Variants in BATF2 observed in about 807,000 individuals in gnomAD.
BATF2 encodes basic leucine zipper ATF-like transcription factor 2.
BATF2 carries 4 observed loss-of-function variants against 7.3 expected under a neutral mutation model. That is an observed-to-expected ratio of 0.55 (90% CI 0.27 to 1.26). BATF2 has a LOEUF of 1.26. BATF2 is among the 50% of genes most tolerant of loss of function. The pLI is 0.11. For synonymous variants in BATF2, 152 were observed against 153.9 expected (o/e 0.99, Z 0.09); for missense variants, 295 against 340.5 (o/e 0.87, Z 1.05).
At chr11:64,996,133 C>G (rs180929256) in intron 1 of BATF2, among the ~76,000 whole-genome samples, 1,901 of 151,810 alleles carry the variant, frequency 0.013, 25 homozygotes, top group Non-Finnish European at 0.019. Flanking sequence ...GCTAATTTTT[C>G]TATTTTTAAT....
chr11:64,989,276 AG>A lies in BATF2; in HGVS notation c.677del (p.Pro226LeufsTer84). 2.5e-6 allele frequency: 4 copies of A among 1,603,712 alleles called. No homozygotes were observed. Among genetic ancestry groups the A allele is most frequent in the Non-Finnish European group, 3.4e-6 (4 of 1,174,240 alleles). Reference sequence around the variant, plus strand: ...GACGTGCAAGCCCCAGGGCAGAGGAAGGGTTGTCGGGAGAGGACCCCAGCTT... The same window carrying A: ...GACGTGCAAGCCCCAGGGCAGAGGAAGGTTGTCGGGAGAGGACCCCAGCTT... ...RGKLGSSPDN[P>X]SSALGLARLQ... On this transcript the variant is annotated frameshift_variant, in exon 3 of 3. Coordinates refer to ENST00000301887, the MANE Select transcript of BATF2 (RefSeq NM_138456.4). LOFTEE classifies it low-confidence loss of function (END_TRUNC). This position sits in a 1 kb window ranked among gnomAD's most constrained non-coding sequence, Gnocchi z 4.3.
In BATF2 at chr11:64,996,931, C is replaced by G; in HGVS notation, c.-17G>C. The G allele has an allele frequency of 6.3e-7, 1 of 1,581,486 alleles. No homozygotes were observed. Among genetic ancestry groups the G allele is most frequent in the Non-Finnish European group, 8.6e-7 (1 of 1,162,466 alleles). The stretch of plus-strand genomic sequence containing the variant: ...GAGGTGCATGGCTTAGGCGGGGGAG[C>G]AGAGTGGTCCCTCAGCAGCTGTGAC... On this transcript the variant is annotated 5_prime_UTR_variant, in exon 1 of 3. Coordinates refer to ENST00000301887, the MANE Select transcript of BATF2 (RefSeq NM_138456.4).
rs746509534 is a variant in BATF2 at position 64,989,532 on chromosome 11, T to C, written c.422A>G (p.Gln141Arg). 2.3e-5 allele frequency: 37 copies of C among 1,594,270 alleles called. No homozygotes were observed. Among genetic ancestry groups the C allele is most frequent in the Non-Finnish European group, 3.2e-5 (37 of 1,170,496 alleles). Residue 141 changes from glutamine (Q) to arginine (R), a missense_variant, in exon 3 of 3, where the codon CAG becomes CGG. Physicochemically the swap from Gln to Arg is conservative, Grantham distance 43. Coordinates refer to ENST00000301887, the MANE Select transcript of BATF2 (RefSeq NM_138456.4). The surrounding 1 kb of genome is among the most constrained non-coding windows in gnomAD (Gnocchi z 4.3). ...GAGGAGGCTGGGAGAATCATGAGGCTGTGGACCTGGAGAGAGCGGCTGAGC... is the reference window on the plus strand; with the variant it reads ...GAGGAGGCTGGGAGAATCATGAGGCCGTGGACCTGGAGAGAGCGGCTGAGC... ...YPAQPLSPGP[Q>R]PHDSPSLLQC...
chr11:64,994,953 A>G (rs1946100449), intron 1 of BATF2, among the ~76,000 whole-genome samples: 1 of 152,008 alleles, frequency 6.6e-6, no homozygotes, highest in African/African-American at 2.4e-5. Flanking sequence ...GGTTCAAGCA[A>G]TTCTCCTGCC....
intron 2 of BATF2, among the ~76,000 whole-genome samples, chr11:64,993,946 C>A (rs1946093595): frequency 6.6e-6 from 1 of 152,152 alleles, no homozygotes; most frequent in Admixed American, 6.6e-5. Context: ...CAGGTGTGCA[C>A]CATCACGCCC....
Position 64,989,116 on chromosome 11 carries a change from T to A in BATF2, c.*13A>T. 2 of 1,613,810 alleles carry A rather than the reference T, an allele frequency of 1.2e-6. No individual in the cohort carries two copies. The highest frequency in any genetic ancestry group is 1.7e-6 in the Non-Finnish European group (2 of 1,179,902). On this transcript the variant is annotated 3_prime_UTR_variant, in exon 3 of 3. Coordinates refer to ENST00000301887, the MANE Select transcript of BATF2 (RefSeq NM_138456.4). This position sits in a 1 kb window ranked among gnomAD's most constrained non-coding sequence, Gnocchi z 4.3. The stretch of plus-strand genomic sequence containing the variant: ...AGCCCAAAGAAGGGGCCAACCCAGC[T>A]CCGAAGACCAGGTTAGAAGTGGACT...
intron 2 of BATF2, chr11:64,990,743 A>C: frequency 1.7e-6 from 1 of 587,942 alleles, no homozygotes; most frequent in African/African-American, 2.0e-5. Context: ...ACTTTGAAAG[A>C]AGAAGTTGCA....
chr11:64,990,350 T>A, intron 2 of BATF2: 1 of 1,453,252 alleles, frequency 6.9e-7, no homozygotes. Flanking sequence ...CTGGACACCC[T>A]TCCGCCGCCC....
chr11:64,991,151 GA>G (rs751045416), intron 2 of BATF2, among the ~76,000 whole-genome samples: 16 of 130,594 alleles, frequency 1.2e-4, no homozygotes, highest in Non-Finnish European at 1.3e-4. Context: ...GTGGAATGAT[GA>G]ATTTTTTTTT....
Position 64,989,322 on chromosome 11 carries a change from A to G in BATF2, c.632T>C (p.Leu211Pro). 8 of 1,577,462 alleles carry G rather than the reference A, an allele frequency of 5.1e-6. No individual in the cohort carries two copies. Among genetic ancestry groups the G allele is most frequent in the Non-Finnish European group, 6.9e-6 (8 of 1,161,184 alleles). ...AQTAPPQPLE[L>P]EHPTRGKLGS... Reference sequence around the variant, plus strand: ...CAGCTTCCCTCTGGTGGGATGCTCCAGCTCGAGGGGCTGTGGAGGGGCAGT... The same window carrying G: ...CAGCTTCCCTCTGGTGGGATGCTCCGGCTCGAGGGGCTGTGGAGGGGCAGT... The change falls in exon 3 of 3, where the codon CTG (leucine) becomes CCG (proline). Residue 211 changes from leucine to proline, a missense_variant. Coordinates refer to ENST00000301887, the MANE Select transcript of BATF2 (RefSeq NM_138456.4). This position sits in a 1 kb window ranked among gnomAD's most constrained non-coding sequence, Gnocchi z 4.3.
chr11:64,989,634 A>G lies in BATF2; in HGVS notation c.320T>C (p.Leu107Pro). Reference protein sequence around the residue: ...LGCWDQAEGLLGPGPQGQHGC... With the variant: ...LGCWDQAEGLPGPGPQGQHGC... ...ATGTTGTCCCTGTGGGCCAGGGCCC[A>G]GGAGCCCCTCAGCCTGGTCCCAGCA... Residue 107 changes from leucine (L) to proline (P), a missense_variant, in exon 3 of 3, where the codon CTG (leucine) becomes CCG (proline). Transcript: ENST00000301887. This position sits in a 1 kb window ranked among gnomAD's most constrained non-coding sequence, Gnocchi z 4.3. 6.2e-7 allele frequency: 1 copy of G among 1,612,246 alleles called. No individual in the cohort carries two copies. The highest frequency in any genetic ancestry group is 8.5e-7 in the Non-Finnish European group (1 of 1,179,380).
rs950899751 is a variant in BATF2, at chr11:64,990,859, C to T, written c.142-1047G>A. 2.0e-5 allele frequency among the ~76,000 whole-genome samples: 3 copies of T among 151,952 alleles called. No individual in the cohort carries two copies. In the East Asian group the frequency reaches 5.8e-4, roughly 29 times the overall value. ...AGGCTGGAGTGCAGTGGCTCGATCTCGGCTCACTGCAAGCTCAAGCTCCCA... is the reference window on the plus strand; with the variant it reads ...AGGCTGGAGTGCAGTGGCTCGATCTTGGCTCACTGCAAGCTCAAGCTCCCA... On this transcript the variant is annotated intron_variant, in intron 2 of 2. Transcript: ENST00000301887.
At chr11:64,994,760 G>A (rs1310573884) in intron 1 of BATF2, among the ~76,000 whole-genome samples, 1 of 152,196 alleles carries the variant, frequency 6.6e-6, no homozygotes, top group East Asian at 1.9e-4. Context: ...CCTGCTCACC[G>A]CTCATGTGGA....
Position 64,990,644 on chromosome 11 carries a change from TA to T in BATF2, c.142-833del, listed in dbSNP as rs1946068502. 3.0e-6 allele frequency: 3 copies of T among 996,668 alleles called. No homozygotes were observed. In the South Asian group the frequency reaches 1.3e-4, roughly 43 times the overall value. 61.7% of individuals were successfully genotyped at this position (996,668 alleles called of 1,614,324 possible). A position where few individuals can be genotyped will look rare whatever the true frequency, so the allele number is the denominator to read the frequency against. ...TAACCATTTATGATGACAGTAATGGTAAAAATGCAGAAAGAATTTTATATCC... is the reference window on the plus strand; with the variant it reads ...TAACCATTTATGATGACAGTAATGGTAAAATGCAGAAAGAATTTTATATCC... On this transcript the variant is annotated intron_variant, in intron 2 of 2. Transcript: ENST00000301887.
intron 1 of BATF2, among the ~76,000 whole-genome samples, chr11:64,995,234 G>A (rs1339469579): frequency 1.3e-5 from 2 of 152,148 alleles, no homozygotes; most frequent in Non-Finnish European, 2.9e-5. Context: ...AAGCCCATGC[G>A]GCAGGCAGCC....
At chr11:64,991,773 C>G (rs576977168) in intron 2 of BATF2, among the ~76,000 whole-genome samples, 1 of 152,182 alleles carries the variant, frequency 6.6e-6, no homozygotes, top group East Asian at 1.9e-4. Context: ...GTCTACAGCT[C>G]TATATCCAGT....
At chr11:64,994,646 T>A in intron 1 of BATF2, 97 bp from the exon 2 acceptor site, 1 of 1,199,542 alleles carries the variant, frequency 8.3e-7, no homozygotes, top group Non-Finnish European at 1.2e-6. Context: ...TCCCCTTGAG[T>A]CAAGTTCCCA....
At chr11:64,992,512 A>T (rs1946084590) in intron 2 of BATF2, among the ~76,000 whole-genome samples, 1 of 152,124 alleles carries the variant, frequency 6.6e-6, no homozygotes, top group Admixed American at 6.6e-5. Context: ...AGATTAAATG[A>T]GGTCCTAGGA....
In BATF2 at chr11:64,989,045, C is replaced by T; in HGVS notation, c.*84G>A. ...AGCTGGTCAGCCACGCAGGGCAGCA[C>T]CCAGTAGTGAGGGAGGAGAGGCCCG... is the stretch of plus-strand genomic sequence containing the variant. On this transcript the variant is annotated 3_prime_UTR_variant, in exon 3 of 3. Transcript: ENST00000301887. The surrounding 1 kb of genome is among the most constrained non-coding windows in gnomAD (Gnocchi z 4.3). 1 of 1,494,688 alleles carries T rather than the reference C, an allele frequency of 6.7e-7. No individual in the cohort carries two copies. The highest frequency in any genetic ancestry group is 9.3e-7 in the Non-Finnish European group (1 of 1,073,456). 92.6% of individuals were successfully genotyped at this position (1,494,688 alleles called of 1,614,324 possible).
Sources: gnomAD v4.1 joint callset for allele counts (sites outside exome capture counted in the v4.1 genomes callset) on GRCh38, gnomAD v4.1.1 for gene constraint, Gnocchi (gnomAD v3.1) non-coding constraint, MANE v1.5 for transcripts, NCBI Gene and HGNC (gene_info 2026-07-23, HGNC 2026-07-21) for gene names.